Variants in NGF observed in about 807,000 individuals in gnomAD.
NGF encodes nerve growth factor.
Under a neutral mutation model 12.8 loss-of-function variants are expected in NGF, and 4 were observed. That is an observed-to-expected ratio of 0.31 (90% CI 0.15 to 0.72). NGF has a LOEUF of 0.72. Among genes scored for constraint, NGF ranks in the 30% least tolerant of loss-of-function variants. NGF has a pLI of 0.69. For synonymous variants in NGF, 140 were observed against 130.0 expected (o/e 1.08, Z -0.52); for missense variants, 283 against 330.8 (o/e 0.86, Z 1.12).
intron 1 of NGF, among the ~76,000 whole-genome samples, chr1:115,331,638 G>T (rs1459021112): frequency 6.6e-6 from 1 of 152,206 alleles, no homozygotes; most frequent in Non-Finnish European, 1.5e-5. Flanking sequence ...TTCTTGAAGA[G>T]ATCTGTATTG....
At chr1:115,304,075 C>A (rs1187343214) in intron 1 of NGF, among the ~76,000 whole-genome samples, 1 of 151,730 alleles carries the variant, frequency 6.6e-6, no homozygotes, top group Non-Finnish European at 1.5e-5. Context: ...TAAAATTTTT[C>A]AGTTTAGACC....
At chr1:115,325,091 C>G (rs1654736968) in intron 1 of NGF, among the ~76,000 whole-genome samples, 1 of 152,056 alleles carries the variant, frequency 6.6e-6, no homozygotes, top group Admixed American at 6.6e-5. Flanking sequence ...TTAGAATGAT[C>G]AAGAGGTGAT....
intron 1 of NGF, among the ~76,000 whole-genome samples, chr1:115,300,372 G>C (rs559893233): frequency 6.6e-6 from 1 of 152,282 alleles, no homozygotes; most frequent in East Asian, 1.9e-4. Flanking sequence ...TGAATGTAAG[G>C]ATTCGAGTAA....
intron 1 of NGF, among the ~76,000 whole-genome samples, chr1:115,310,041 T>C (rs1654298289): frequency 6.6e-6 from 1 of 152,218 alleles, no homozygotes. Context: ...ATTAGTTGCT[T>C]TGTGGAAAAT....
intron 1 of NGF, among the ~76,000 whole-genome samples, chr1:115,312,911 T>C (rs1654372929): frequency 1.3e-5 from 2 of 152,220 alleles, no homozygotes; most frequent in African/African-American, 4.8e-5. Flanking sequence ...CTCTAAGATT[T>C]CATTTGTTTG....
At chr1:115,304,222 G>A (rs550077098) in intron 1 of NGF, among the ~76,000 whole-genome samples, 12 of 151,990 alleles carry the variant, frequency 7.9e-5, no homozygotes, top group African/African-American at 2.4e-4. Flanking sequence ...TAGTGCAGTG[G>A]CATGATCTCA....
At chr1:115,312,719 C>T (rs1177593125) in intron 1 of NGF, among the ~76,000 whole-genome samples, 4 of 152,102 alleles carry the variant, frequency 2.6e-5, no homozygotes, top group Non-Finnish European at 5.9e-5. Flanking sequence ...AATGAATGAT[C>T]TCAATAGGAA....
chr1:115,302,017 C>T (rs1452967318), intron 1 of NGF, among the ~76,000 whole-genome samples: 1 of 152,230 alleles, frequency 6.6e-6, no homozygotes, highest in Non-Finnish European at 1.5e-5. Context: ...GGATTAACTT[C>T]TTGAGGTCTT....
chr1:115,312,564 T>C (rs941466203), intron 1 of NGF, among the ~76,000 whole-genome samples: 11 of 152,232 alleles, frequency 7.2e-5, no homozygotes, highest in African/African-American at 2.4e-4. Context: ...AAAATGCTGA[T>C]ATTTATGTAC....
intron 1 of NGF, among the ~76,000 whole-genome samples, chr1:115,323,798 C>CA (rs1466116185): frequency 6.6e-6 from 1 of 152,178 alleles, no homozygotes; most frequent in Non-Finnish European, 1.5e-5. Flanking sequence ...GTCATCTCCT[C>CA]AGAAGGATCC....
intron 2 of NGF, among the ~76,000 whole-genome samples, chr1:115,288,957 T>G (rs1653602116): frequency 6.6e-6 from 1 of 152,256 alleles, no homozygotes; most frequent in Non-Finnish European, 1.5e-5. Context: ...GTGCTTTTAT[T>G]CAGCTGGAAA....
chr1:115,310,131 G>A (rs1247665015), intron 1 of NGF, among the ~76,000 whole-genome samples: 2 of 152,342 alleles, frequency 1.3e-5, no homozygotes, highest in African/African-American at 4.8e-5. Flanking sequence ...CTGTGATCTA[G>A]TGCAGTATGG....
chr1:115,297,723 C>T (rs571787111), intron 1 of NGF, among the ~76,000 whole-genome samples: 1 of 152,318 alleles, frequency 6.6e-6, no homozygotes, highest in Non-Finnish European at 1.5e-5. Context: ...ATTTGTGGGA[C>T]ATTCTGTCTA....
intron 1 of NGF, among the ~76,000 whole-genome samples, chr1:115,334,843 G>A (rs1351781466): frequency 1.3e-5 from 2 of 152,190 alleles, no homozygotes; most frequent in Non-Finnish European, 2.9e-5. Flanking sequence ...GCTCCATTCA[G>A]AAACAATATA....
At chr1:115,337,293 T>G (rs1273155637) in intron 1 of NGF, among the ~76,000 whole-genome samples, 7 of 115,830 alleles carry the variant, frequency 6.0e-5, no homozygotes, top group Non-Finnish European at 7.5e-5. Flanking sequence ...TTTTTTTTTT[T>G]TTTTTTTTTT....
At chr1:115,306,941 T>G (rs1282926507) in intron 1 of NGF, among the ~76,000 whole-genome samples, 1 of 152,190 alleles carries the variant, frequency 6.6e-6, no homozygotes, top group Non-Finnish European at 1.5e-5. Flanking sequence ...CTGACAATAT[T>G]GGTACCGATG....
chr1:115,334,861 T>A (rs1410593062), intron 1 of NGF, among the ~76,000 whole-genome samples: 1 of 152,198 alleles, frequency 6.6e-6, no homozygotes, highest in Admixed American at 6.5e-5. Context: ...ATAAATCCAA[T>A]ATACTTGCCT....
intron 1 of NGF, among the ~76,000 whole-genome samples, chr1:115,295,010 A>G (rs1430943982): frequency 2.0e-5 from 3 of 152,210 alleles, no homozygotes; most frequent in Non-Finnish European, 4.4e-5. Flanking sequence ...AAAGTTCTAG[A>G]ATGACATCTT....
chr1:115,308,207 C>T (rs964596278), intron 1 of NGF, among the ~76,000 whole-genome samples: 5 of 152,208 alleles, frequency 3.3e-5, no homozygotes, highest in African/African-American at 9.7e-5. Flanking sequence ...TGCAGAGAGG[C>T]TGTCTCAGGG....
Sources: gnomAD v4.1 joint callset for allele counts (sites outside exome capture counted in the v4.1 genomes callset) on GRCh38, gnomAD v4.1.1 for gene constraint, MANE v1.5 for transcripts, NCBI Gene and HGNC (gene_info 2026-07-23, HGNC 2026-07-21) for gene names.